VPS53: variants seen among roughly 807,000 people sequenced by gnomAD.
VPS53 encodes the protein vacuolar protein sorting-associated protein 53 homolog.
VPS53 carries 70 observed loss-of-function variants against 107.0 expected under a neutral mutation model. That is an observed-to-expected ratio of 0.65 (90% CI 0.54 to 0.80). The LOEUF (loss-of-function observed/expected upper bound fraction) is 0.80. Among genes scored for constraint, VPS53 ranks in the 30% least tolerant of loss-of-function variants. The pLI is 0.00. For synonymous variants in VPS53, 409 were observed against 393.3 expected, an observed-to-expected ratio of 1.04 and a Z score of -0.47; for missense variants, 917 against 1,049.4, an observed-to-expected ratio of 0.87 and a Z score of 1.74.
chr17:548,522 CCTTCTGG>C lies in VPS53; in HGVS notation c.1866+3343_1866+3349del, dbSNP rs1185771286. 7.5e-3 allele frequency among the ~76,000 whole-genome samples: 1,014 copies of C among 135,004 alleles called. 44 individuals are homozygous for C. The highest frequency in any genetic ancestry group is 0.025 in the African/African-American group (930 of 36,892). The allele number at this position is 135,004 out of a possible 152,430, so 88.6% of individuals were successfully genotyped here. A position where few individuals can be genotyped will look rare whatever the true frequency, so the allele number is the denominator to read the frequency against. On this transcript the variant is annotated intron_variant, in intron 17 of 21. Transcript: ENST00000437048. ...CACTCCACTTTGGCCAGCCAACAGTCCTTCTGGAATCATCCAACGACTACACTCCACT... is the reference window on the plus strand; with the variant it reads ...CACTCCACTTTGGCCAGCCAACAGTCAATCATCCAACGACTACACTCCACT...
intron 13 of VPS53, among the ~76,000 whole-genome samples, chr17:579,122 T>C (rs941102823): frequency 6.8e-6 from 1 of 146,688 alleles, no homozygotes; most frequent in East Asian, 2.1e-4. Flanking sequence ...CCAGAGAACA[T>C]CCCTCAGAAC....
intron 7 of VPS53, among the ~76,000 whole-genome samples, chr17:634,757 G>T (rs1430868272): frequency 2.6e-5 from 4 of 151,916 alleles, no homozygotes; most frequent in Admixed American, 1.3e-4. Flanking sequence ...AGTATTCCAT[G>T]GTGTATATGT....
In VPS53 at chr17:521,738, G is replaced by C; in HGVS notation, c.2086C>G (p.Leu696Val). ...TTCAGCGAGTGGGTGTCCAGCAGCA[G>C]CTGTGGAGCAAAGCAGAGAGCATTA... ...KPISMVGAEQ[L>V]LLDTHSLKMV... The change falls in exon 20 of 22, where the codon CTG (leucine) becomes GTG (valine). Residue 696 changes from leucine to valine, a missense_variant and splice_region_variant. Coordinates refer to ENST00000437048, the MANE Select transcript of VPS53 (RefSeq NM_001128159.3). The C allele has an allele frequency of 6.5e-7, 1 of 1,542,088 alleles. No individual in the cohort carries two copies. Among genetic ancestry groups the C allele is most frequent in the Non-Finnish European group, 8.8e-7 (1 of 1,140,266 alleles).
At chr17:662,119 A>C (rs1027691510) in intron 4 of VPS53, among the ~76,000 whole-genome samples, 4 of 152,168 alleles carry the variant, frequency 2.6e-5, no homozygotes, top group Non-Finnish European at 5.9e-5. Flanking sequence ...ACAAAGTTTC[A>C]ACTTAAAACT....
chr17:655,802 C>T, intron 6 of VPS53, 36 bp downstream of exon 6: 1 of 1,573,860 alleles, frequency 6.4e-7, no homozygotes, highest in Non-Finnish European at 8.7e-7. Context: ...CGATACATTT[C>T]CCGTGGCCCC....
At chr17:533,125 C>CCCATCCTAGACTCCCAGTGA in intron 18 of VPS53, 1 of 718,212 alleles carries the variant, frequency 1.4e-6, no homozygotes, top group Non-Finnish European at 2.2e-6. Flanking sequence ...AAAACCGGAT[C>CCCATCCTAGACTCCCAGTGA]CCATCCTAGA....
chr17:651,040 C>A (rs1218815927), intron 7 of VPS53, among the ~76,000 whole-genome samples: 1 of 152,160 alleles, frequency 6.6e-6, no homozygotes, highest in Non-Finnish European at 1.5e-5. Context: ...TATATAAATA[C>A]ACACACAAAT....
At chr17:677,981 C>T (rs1972233374) in intron 4 of VPS53, among the ~76,000 whole-genome samples, 2 of 151,848 alleles carry the variant, frequency 1.3e-5, no homozygotes, top group Non-Finnish European at 2.9e-5. Flanking sequence ...ATTAGCCAGG[C>T]GTGGTGGCGA....
At position 532,887 on chromosome 17, in the gene VPS53, G is replaced by A. The variant is rs1361861226; in HGVS notation, c.2040C>T (p.Thr680=). The change falls in exon 19 of 22, where the codon ACC becomes ACT. Residue 680 remains threonine, a synonymous_variant. Coordinates refer to ENST00000437048, the MANE Select transcript of VPS53 (RefSeq NM_001128159.3). ...TAATTGGCTTGCACTTGAAGAGGTG[G>A]GTGATGAATTTGGGAATGAAGGAGC... The part of the protein sequence containing the change: ...FANSFIPKFI[T]HLFKCKPISM... 1.9e-6 allele frequency: 3 copies of A among 1,613,996 alleles called. No individual in the cohort carries two copies. The highest frequency in any genetic ancestry group is 1.3e-5 in the African/African-American group (1 of 75,040).
At chr17:578,557 C>T (rs991956275) in intron 13 of VPS53, among the ~76,000 whole-genome samples, 5 of 149,986 alleles carry the variant, frequency 3.3e-5, no homozygotes, top group African/African-American at 7.4e-5. Flanking sequence ...GAATTTAATG[C>T]GTTCCCAGAG....
chr17:622,725 T>TC lies in VPS53; in HGVS notation c.1116+807_1116+808insG, dbSNP rs1192988988. 5.0e-5 allele frequency among the ~76,000 whole-genome samples: 7 copies of TC among 140,934 alleles called. No homozygotes were observed. In the East Asian group the frequency reaches 1.2e-3, roughly 25 times the overall value. The allele number at this position is 140,934 out of a possible 152,430, so 92.5% of individuals were successfully genotyped here. A position where few individuals can be genotyped will look rare whatever the true frequency, so the allele number is the denominator to read the frequency against. On this transcript the variant is annotated intron_variant, in intron 11 of 21. Coordinates refer to ENST00000437048, the MANE Select transcript of VPS53 (RefSeq NM_001128159.3). Reference sequence around the variant, plus strand: ...GAAGAGGTTTACTCCTTTCTCTTTCTTTTCTTTTTTTTTAGAGATAGGGTG... The same window carrying TC: ...GAAGAGGTTTACTCCTTTCTCTTTCTCTTTCTTTTTTTTTAGAGATAGGGTG...
intron 4 of VPS53, among the ~76,000 whole-genome samples, chr17:667,495 G>GC (rs1971744781): frequency 6.7e-5 from 6 of 89,616 alleles, no homozygotes; most frequent in African/African-American, 1.2e-4. Context: ...ATAATGTTCT[G>GC]GGGGGGGCAA....
At chr17:687,811 C>T (rs755137144) in intron 4 of VPS53, among the ~76,000 whole-genome samples, 5 of 152,122 alleles carry the variant, frequency 3.3e-5, no homozygotes, top group South Asian at 4.1e-4. Context: ...CCCTGAGGTA[C>T]GTATTATTAT....
rs1409761168 is a variant in VPS53 at position 601,786 on chromosome 17, C to T, written c.1218+9G>A. The T allele has an allele frequency of 6.3e-7, 1 of 1,587,072 alleles. No individual in the cohort carries two copies. The highest frequency in any genetic ancestry group is 2.3e-5 in the East Asian group (1 of 43,424). On this transcript the variant is annotated intron_variant, in intron 12 of 21. Coordinates refer to ENST00000437048, the MANE Select transcript of VPS53 (RefSeq NM_001128159.3). The stretch of plus-strand genomic sequence containing the variant: ...GTAGGTTACCCGTGGTGACGCAAAC[C>T]AGACTTACTTGATCTAAATCTCCTT...
At chr17:526,357 A>G (rs1212373451) in intron 19 of VPS53, among the ~76,000 whole-genome samples, 1 of 152,258 alleles carries the variant, frequency 6.6e-6, no homozygotes, top group African/African-American at 2.4e-5. Context: ...TGCACCAGGC[A>G]TAATTCTCTA....
At chr17:713,498 C>CA (rs1973717421) in intron 1 of VPS53, among the ~76,000 whole-genome samples, 1 of 148,924 alleles carries the variant, frequency 6.7e-6, no homozygotes, top group Non-Finnish European at 1.5e-5. Context: ...ACTAAAAATA[C>CA]AAAAATTAGC....
At position 517,055 on chromosome 17, in the gene VPS53, G is replaced by T; in HGVS notation, c.*2073C>A. ...GGCTGAACTGGCTGTGCTATTTGGA[G>T]ATGGGCCCCACCGCCCCTTTTCAAC... On this transcript the variant is annotated 3_prime_UTR_variant, in exon 22 of 22. Transcript: ENST00000437048. The T allele has an allele frequency of 5.8e-6, 1 of 173,278 alleles. No homozygotes were observed. The highest frequency in any genetic ancestry group is 1.2e-5 in the Non-Finnish European group (1 of 82,538). The allele number at this position is 173,278 out of a possible 1,614,324, so 10.7% of individuals were successfully genotyped here.
At chr17:588,989 C>T (rs1033802871) in intron 12 of VPS53, among the ~76,000 whole-genome samples, 3 of 151,996 alleles carry the variant, frequency 2.0e-5, no homozygotes. Flanking sequence ...CTCTATAGGA[C>T]TAGATATCAT....
chr17:668,857 G>T (rs1971815331), intron 4 of VPS53, among the ~76,000 whole-genome samples: 1 of 152,026 alleles, frequency 6.6e-6, no homozygotes, highest in Admixed American at 6.6e-5. Context: ...ATTAAACCTG[G>T]CATCCTACCA....
Sources: allele counts gnomAD v4.1 joint callset (sites outside exome capture counted in the v4.1 genomes callset), GRCh38; gene constraint gnomAD v4.1.1; transcripts MANE v1.5; gene names NCBI Gene and HGNC (gene_info 2026-07-23, HGNC 2026-07-21).